The following CERKL variants were observed in gnomAD, a reference collection of about 807,000 sequenced individuals.
The protein encoded by CERKL is CERK like autophagy regulator, also known as ceramide kinase-like protein.
Under a neutral mutation model 63.4 loss-of-function variants are expected in CERKL, and 61 were observed. The observed-to-expected ratio is 0.96, with a 90% CI of 0.78 to 1.19. CERKL has a LOEUF of 1.19. Ranked by LOEUF, CERKL falls within the 50% of genes most tolerant of loss-of-function variation. The pLI, the probability that CERKL is intolerant of heterozygous loss-of-function variation, is 0.00. For missense variants in CERKL, 675 were observed against 655.5 expected, an observed-to-expected ratio of 1.03 and a Z score of -0.33; for synonymous variants, 250 against 230.5, an observed-to-expected ratio of 1.08 and a Z score of -0.77.
intron 2 of CERKL, among the ~76,000 whole-genome samples, chr2:181,598,520 C>T (rs531123663): frequency 1.5e-3 from 225 of 152,214 alleles, no homozygotes; most frequent in African/African-American, 5.3e-3. Flanking sequence ...CTGTCACTCC[C>T]CTGTCAGGAC....
intron 10 of CERKL, 34 bp downstream of exon 10, chr2:181,547,584 A>C: frequency 1.3e-6 from 2 of 1,564,176 alleles, no homozygotes; most frequent in Non-Finnish European, 1.8e-6. Flanking sequence ...TCTATAAGAA[A>C]TGTATCAACA....
At chr2:181,626,070 C>T (rs1686690715) in intron 1 of CERKL, among the ~76,000 whole-genome samples, 1 of 152,090 alleles carries the variant, frequency 6.6e-6, no homozygotes, top group Non-Finnish European at 1.5e-5. Context: ...GTTTAAATAG[C>T]TTGCCCCAGT....
intron 2 of CERKL, among the ~76,000 whole-genome samples, chr2:181,584,405 G>A (rs1164578338): frequency 6.6e-6 from 1 of 151,988 alleles, no homozygotes; most frequent in African/African-American, 2.4e-5. Flanking sequence ...TCAACTACTA[G>A]GGAGGTTGAG....
In CERKL at chr2:181,656,972, G is replaced by T. The variant is rs1395866972; in HGVS notation, c.35C>A (p.Ala12Asp). ...CTCTTCCTCCCGGCCGCCCTCCAGG[G>T]CACTCACCCGGTTCCTGCGCCTCCT... ...PWRRRRNRVS[A>D]LEGGREEEAP... is the part of the protein sequence containing the mutation. Residue 12 changes from alanine to aspartate, a missense_variant, in exon 1 of 13, where the codon GCC (alanine) becomes GAC (aspartate). Ala to Asp is a moderately radical substitution (Grantham distance 126). Transcript: ENST00000410087. 6.3e-7 allele frequency: 1 copy of T among 1,584,344 alleles called. No individual in the cohort carries two copies. The highest frequency in any genetic ancestry group is 8.6e-7 in the Non-Finnish European group (1 of 1,168,586).
chr2:181,548,005 T>C, intron 8 of CERKL, 158 bp from the exon 9 acceptor site: 1 of 687,012 alleles, frequency 1.5e-6, no homozygotes, highest in Non-Finnish European at 2.5e-6. Flanking sequence ...ACGTACAATT[T>C]TGTTGCTGCC....
chr2:181,565,528 A>G lies in CERKL; in HGVS notation c.677+530T>C, dbSNP rs756627539. On this transcript the variant is annotated intron_variant, in intron 4 of 12. Coordinates refer to ENST00000410087, the MANE Select transcript of CERKL (RefSeq NM_201548.5). ...GATGCCCACTGTGAATAACATACCT[A>G]AATTGTAGTCACTACATTATGAGAT... is the stretch of plus-strand genomic sequence containing the variant. The G allele has an allele frequency of 1.2e-5, 18 of 1,528,452 alleles. No homozygotes were observed. Among genetic ancestry groups the G allele is most frequent in the Admixed American group, 1.7e-5 (1 of 59,864 alleles). The allele number at this position is 1,528,452 out of a possible 1,614,324, so 94.7% of individuals were successfully genotyped here.
chr2:181,619,237 T>C (rs1686343818), intron 1 of CERKL, among the ~76,000 whole-genome samples: 1 of 152,084 alleles, frequency 6.6e-6, no homozygotes, highest in East Asian at 1.9e-4. Context: ...GAAAAACATT[T>C]ATAAATGTAT....
chr2:181,577,139 A>T (rs1684270829), intron 2 of CERKL, among the ~76,000 whole-genome samples: 1 of 152,198 alleles, frequency 6.6e-6, no homozygotes, highest in African/African-American at 2.4e-5. Flanking sequence ...CATTTTGAGA[A>T]CCAACATTCT....
rs184348368 is a variant in CERKL at position 181,654,664 on chromosome 2, C to T, written c.238+2105G>A. Among the ~76,000 whole-genome samples, 955 of 152,270 alleles carry T rather than the reference C, an allele frequency of 6.3e-3. 7 individuals are homozygous for T. The highest frequency in any genetic ancestry group is 0.022 in the African/African-American group (905 of 41,546). On this transcript the variant is annotated intron_variant, in intron 1 of 12. Coordinates refer to ENST00000410087, the MANE Select transcript of CERKL (RefSeq NM_201548.5). ...CAAGTACAGTAACTTTGATGTAGCTCCCTCTTCCATTTAATCTTTTACCAC... is the reference window on the plus strand; with the variant it reads ...CAAGTACAGTAACTTTGATGTAGCTTCCTCTTCCATTTAATCTTTTACCAC...
chr2:181,548,784 C>T lies in CERKL; in HGVS notation c.969G>A (p.Met323Ile). 1 of 1,614,056 alleles carries T rather than the reference C, an allele frequency of 6.2e-7. No individual in the cohort carries two copies. The change falls in exon 7 of 13, where the codon ATG becomes ATA. Residue 323 changes from methionine to isoleucine, a missense_variant. Met to Ile is a conservative substitution (Grantham distance 10). Coordinates refer to ENST00000410087, the MANE Select transcript of CERKL (RefSeq NM_201548.5). ...GKLLRFGFSA[M>I]FGFGGRTLAL... Reference sequence around the variant, plus strand: ...CCAAAGTTCTTCCACCAAAGCCAAACATGGCTGAGAACCCAAAGCGAAGAA... The same window carrying T: ...CCAAAGTTCTTCCACCAAAGCCAAATATGGCTGAGAACCCAAAGCGAAGAA...
intron 1 of CERKL, among the ~76,000 whole-genome samples, chr2:181,618,224 C>T (rs1686288857): frequency 6.6e-6 from 1 of 150,620 alleles, no homozygotes; most frequent in South Asian, 2.1e-4. Context: ...GCAATATATC[C>T]GTGCAACAAA....
In CERKL at chr2:181,643,665, T is replaced by C. The variant is rs570668134; in HGVS notation, c.238+13104A>G. On this transcript the variant is annotated intron_variant, in intron 1 of 12. Coordinates refer to ENST00000410087, the MANE Select transcript of CERKL (RefSeq NM_201548.5). ...TCTGTCAATCCCTAAAGGGCCGTCA[T>C]TTCAGAGGACTGAGGAAAAGTGGAG... 1.8e-4 allele frequency among the ~76,000 whole-genome samples: 28 copies of C among 152,342 alleles called. No homozygotes were observed. The South Asian group carries it at 3.5e-3, about 19-fold the overall frequency.
intron 1 of CERKL, chr2:181,649,858 C>G (rs955249646): frequency 1.3e-5 from 2 of 152,012 alleles, no homozygotes; most frequent in Non-Finnish European, 2.9e-5. Context: ...GGCAAAACGG[C>G]GAAAGCCATC....
chr2:181,544,550 T>C (rs1025061334), intron 11 of CERKL, 150 bp downstream of exon 11: 11 of 567,614 alleles, frequency 1.9e-5, no homozygotes, highest in Middle Eastern at 4.0e-4. Flanking sequence ...TTTCAAAATT[T>C]GGATGAAATA....
chr2:181,555,553 G>T (rs1688165828), intron 5 of CERKL, among the ~76,000 whole-genome samples: 1 of 151,922 alleles, frequency 6.6e-6, no homozygotes, highest in Non-Finnish European at 1.5e-5. Flanking sequence ...AATATCTTAT[G>T]CTCTGTCAAC....
chr2:181,543,903 G>A (rs533945876), intron 11 of CERKL, among the ~76,000 whole-genome samples: 1 of 149,204 alleles, frequency 6.7e-6, no homozygotes, highest in African/African-American at 2.5e-5. Context: ...AGAATCGCTT[G>A]AACGTGGGAG....
intron 1 of CERKL, among the ~76,000 whole-genome samples, chr2:181,633,851 C>G (rs1687067014): frequency 6.6e-6 from 1 of 152,124 alleles, no homozygotes; most frequent in Non-Finnish European, 1.5e-5. Flanking sequence ...CCTGTCTTCA[C>G]ACACGCATCA....
intron 1 of CERKL, among the ~76,000 whole-genome samples, chr2:181,637,802 T>G (rs1467873593): frequency 6.6e-6 from 1 of 151,972 alleles, no homozygotes; most frequent in African/African-American, 2.4e-5. Flanking sequence ...GAAACAATAA[T>G]ACAAAAAACA....
intron 1 of CERKL, among the ~76,000 whole-genome samples, chr2:181,631,971 T>C (rs930034606): frequency 1.3e-5 from 2 of 152,212 alleles, no homozygotes; most frequent in Non-Finnish European, 2.9e-5. Context: ...TAGTACTAAA[T>C]TTAGTATTTT....
Sources: gnomAD v4.1 joint callset for allele counts (sites outside exome capture counted in the v4.1 genomes callset) on GRCh38, gnomAD v4.1.1 for gene constraint, MANE v1.5 for transcripts, NCBI Gene and HGNC (gene_info 2026-07-23, HGNC 2026-07-21) for gene names.